Variants in PER2 observed in about 807,000 individuals in gnomAD.
PER2 encodes period circadian regulator 2, also known as period circadian protein homolog 2.
In PER2, 66 loss-of-function variants were observed where a neutral mutation model predicts 121.0. That is an observed-to-expected ratio of 0.55 (90% confidence interval 0.45 to 0.67). The LOEUF (loss-of-function observed/expected upper bound fraction) is 0.67, where lower values mean the gene tolerates loss of function less well. Ranked by LOEUF, PER2 falls within the 30% of genes least tolerant of loss-of-function variation. The pLI, the probability that PER2 is intolerant of heterozygous loss-of-function variation, is 0.00. For synonymous variants in PER2, 684 were observed against 659.9 expected (o/e 1.04, Z -0.56); for missense variants, 1,521 against 1,635.0 (o/e 0.93, Z 1.20).
At chr2:238,278,082 C>CTCTGTCTA in intron 1 of PER2, 127 bp from the exon 2 acceptor site, 1 of 993,012 alleles carries the variant, frequency 1.0e-6, no homozygotes, top group Non-Finnish European at 1.5e-6. Flanking sequence ...TCTTTCTTCT[C>CTCTGTCTA]TCTGTCTCTC....
In PER2 at chr2:238,277,953, A is replaced by G. The variant is rs1696509040; in HGVS notation, c.-17T>C. On this transcript the variant is annotated splice_region_variant and 5_prime_UTR_variant, in exon 2 of 23. Transcript: ENST00000254657. ...TCCATTCATGCTGGGCTCTGGAACGAAGCTGGCAAACAGAGGGATGCTGTC... is the reference window on the plus strand; with the variant it reads ...TCCATTCATGCTGGGCTCTGGAACGGAGCTGGCAAACAGAGGGATGCTGTC... 8 of 1,611,860 alleles carry G rather than the reference A, an allele frequency of 5.0e-6. No individual in the cohort carries two copies. The East Asian group carries it at 1.8e-4, about 36-fold the overall frequency.
Position 238,259,978 on chromosome 2 carries a change from A to AT in PER2, c.1617dup (p.Ser540IlefsTer8). The stretch of plus-strand genomic sequence containing the variant: ...ATATTTTTTTTTTTACCTGTAACGG[A>AT]TTTTTTCTTTTGTTCTCCAGATTCA... On this transcript the variant is annotated frameshift_variant, in exon 14 of 23. Coordinates refer to ENST00000254657, the MANE Select transcript of PER2 (RefSeq NM_022817.3). LOFTEE classifies it high-confidence loss of function. The AT allele has an allele frequency of 7.0e-7, 1 of 1,427,510 alleles. No individual in the cohort carries two copies. The highest frequency in any genetic ancestry group is 9.8e-7 in the Non-Finnish European group (1 of 1,017,184). 88.4% of individuals were successfully genotyped at this position (1,427,510 alleles called of 1,614,324 possible). A position where few individuals can be genotyped will look rare whatever the true frequency, so the allele number is the denominator to read the frequency against.
At position 238,258,567 on chromosome 2, in the gene PER2, C is replaced by T. The variant is rs369727558; in HGVS notation, c.1705G>A (p.Glu569Lys). ...GGCTGGTTCTTGCAGGCCAACTCCTCGGGGAAGCTGACCCCCAGGCTGTCC... is the reference window on the plus strand; with the variant it reads ...GGCTGGTTCTTGCAGGCCAACTCCTTGGGGAAGCTGACCCCCAGGCTGTCC... Reference protein sequence around the residue: ...EKDSLGVSFPEELACKNQPTC... With the variant: ...EKDSLGVSFPKELACKNQPTC... The change falls in exon 15 of 23, where the codon GAG becomes AAG. Residue 569 changes from glutamate (E) to lysine (K), a missense_variant. Transcript: ENST00000254657. 1.2e-5 allele frequency: 20 copies of T among 1,613,950 alleles called. No individual in the cohort carries two copies. Among genetic ancestry groups the T allele is most frequent in the Admixed American group, 3.3e-5 (2 of 59,996 alleles).
intron 1 of PER2, among the ~76,000 whole-genome samples, chr2:238,282,295 C>T (rs894997517): frequency 1.3e-5 from 2 of 152,124 alleles, no homozygotes; most frequent in East Asian, 1.9e-4. Flanking sequence ...TGAACAGCAC[C>T]GTCTCCCCAC....
chr2:238,296,053 C>T, the PER2 span, among the ~76,000 whole-genome samples: 46 of 140,518 alleles, frequency 3.3e-4, no homozygotes, highest in African/African-American at 1.1e-3. Flanking sequence ...CAGTCGTGTG[C>T]CCTCCTGCTG....
intron 5 of PER2, among the ~76,000 whole-genome samples, chr2:238,272,823 C>T (rs1262818827): frequency 2.0e-5 from 3 of 152,206 alleles, no homozygotes; most frequent in Admixed American, 1.3e-4. Flanking sequence ...TTTGCCCTTG[C>T]ACCCATGAGC....
Position 238,245,314 on chromosome 2 carries a change from G to C in PER2, c.*1061C>G, listed in dbSNP as rs1282541227. 1.4e-5 allele frequency: 5 copies of C among 355,184 alleles called. No homozygotes were observed. The highest frequency in any genetic ancestry group is 4.7e-5 in the Admixed American group (1 of 21,278). 22.0% of individuals were successfully genotyped at this position (355,184 alleles called of 1,614,324 possible). On this transcript the variant is annotated 3_prime_UTR_variant, in exon 23 of 23. Transcript: ENST00000254657. ...GAGGCCTGAAGCTGCTCCGAGAGAG[G>C]TCGGGCTCATGAAAAGAATGAGGGC...
Position 238,273,175 on chromosome 2 carries a change from G to A in PER2, c.465C>T (p.Tyr155=), listed in dbSNP as rs758852948. Residue 155 remains tyrosine (Y), a synonymous_variant, in exon 5 of 23, where the codon TAC becomes TAT. Coordinates refer to ENST00000254657, the MANE Select transcript of PER2 (RefSeq NM_022817.3). The part of the protein sequence containing the change: ...VKQVKANEEY[Y]QLLMSSEGHP... ...GACCCTCGCTGGACATCAGCAGCTG[G>A]TAATACTCTTCATTGGCTGCAGGAG... is the stretch of plus-strand genomic sequence containing the variant. The A allele has an allele frequency of 6.8e-6, 11 of 1,613,770 alleles. No homozygotes were observed. The highest frequency in any genetic ancestry group is 8.5e-6 in the Non-Finnish European group (10 of 1,179,918).
At chr2:238,271,613 G>A (rs541275858) in intron 5 of PER2, 100 bp from the exon 6 acceptor site, 7 of 874,912 alleles carry the variant, frequency 8.0e-6, no homozygotes, top group South Asian at 5.5e-5. Context: ...CACCAGGAGC[G>A]TTGGAGGTGG....
At chr2:238,296,963 G>A in the PER2 span, among the ~76,000 whole-genome samples, 2 of 152,222 alleles carry the variant, frequency 1.3e-5, no homozygotes, top group Non-Finnish European at 2.9e-5. Flanking sequence ...CCTCGCGGGG[G>A]ACATCTTCAG....
Position 238,273,121 on chromosome 2 carries a change from G to A in PER2, c.519C>T (p.Tyr173=), listed in dbSNP as rs1696342592. The A allele has an allele frequency of 1.2e-6, 2 of 1,611,134 alleles. No individual in the cohort carries two copies. The highest frequency in any genetic ancestry group is 1.1e-5 in the South Asian group (1 of 91,048). ...TAACGCTCTCCATCTCCTCCACGGT[G>A]TAGGAGGGCACGTCTGCTCCACAGG... ...GHPCGADVPS[Y]TVEEMESVTS... Residue 173 remains tyrosine (Y), a synonymous_variant, in exon 5 of 23, where the codon TAC becomes TAT. Transcript: ENST00000254657.
chr2:238,279,789 A>G (rs568036059), intron 1 of PER2, among the ~76,000 whole-genome samples: 1 of 152,330 alleles, frequency 6.6e-6, no homozygotes, highest in South Asian at 2.1e-4. Context: ...CAGCAGCCCT[A>G]GAAGTCCCGA....
intron 8 of PER2, 113 bp downstream of exon 8, chr2:238,267,943 G>C: frequency 1.6e-6 from 2 of 1,236,166 alleles, no homozygotes; most frequent in Non-Finnish European, 2.3e-6. Context: ...GAGAGGCCAA[G>C]GCTGGGGAAC....
Position 238,262,194 on chromosome 2 carries a change from C to A in PER2, c.1304G>T (p.Arg435Met). 1 of 1,613,752 alleles carries A rather than the reference C, an allele frequency of 6.2e-7. No individual in the cohort carries two copies. Among genetic ancestry groups the A allele is most frequent in the Admixed American group, 1.7e-5 (1 of 60,020 alleles). ...CTCGGGCCCTTGGAGCACTCACACCCTGACTTTGTGCCTCCCAATGATGAA... is the reference window on the plus strand; with the variant it reads ...CTCGGGCCCTTGGAGCACTCACACCATGACTTTGTGCCTCCCAATGATGAA... The part of the protein sequence containing the change: ...ISFIIGRHKV[R>M]VGPLNEDVFA... Residue 435 changes from arginine (R) to methionine (M), a missense_variant, in exon 11 of 23, where the codon AGG (arginine) becomes ATG (methionine). Arg to Met is a moderately conservative substitution (Grantham distance 91). Coordinates refer to ENST00000254657, the MANE Select transcript of PER2 (RefSeq NM_022817.3).
intron 11 of PER2, 89 bp from the exon 12 acceptor site, chr2:238,261,926 G>C (rs900620985): frequency 7.1e-5 from 67 of 937,800 alleles, no homozygotes; most frequent in Middle Eastern, 2.3e-4. Context: ...CTGCCTGCCT[G>C]GGTGGGCCCT....
intron 14 of PER2, 112 bp downstream of exon 14, chr2:238,259,857 G>T: frequency 1.5e-6 from 1 of 677,482 alleles, no homozygotes; most frequent in Non-Finnish European, 2.7e-6. Flanking sequence ...GTGTGACACG[G>T]CTACAAGGTA....
intron 1 of PER2, among the ~76,000 whole-genome samples, chr2:238,278,968 A>G (rs1011433758): frequency 1.3e-5 from 2 of 152,054 alleles, no homozygotes; most frequent in African/African-American, 4.8e-5. Flanking sequence ...TAACCTCTGC[A>G]CTTTGGGGTA....
chr2:238,246,005 TC>T lies in PER2; in HGVS notation c.*369del. The T allele has an allele frequency of 4.4e-6, 1 of 227,872 alleles. No individual in the cohort carries two copies. The highest frequency in any genetic ancestry group is 8.4e-6 in the Non-Finnish European group (1 of 118,976). 14.1% of individuals were successfully genotyped at this position (227,872 alleles called of 1,614,324 possible). A position where few individuals can be genotyped will look rare whatever the true frequency, so the allele number is the denominator to read the frequency against. On this transcript the variant is annotated 3_prime_UTR_variant, in exon 23 of 23. Coordinates refer to ENST00000254657, the MANE Select transcript of PER2 (RefSeq NM_022817.3). Reference sequence around the variant, plus strand: ...CCTGGGAAAGCTCTGGAAGCCAGAGTCCCCAGCTGGTGCAGCAGACAGAGGT... The same window carrying T: ...CCTGGGAAAGCTCTGGAAGCCAGAGTCCCAGCTGGTGCAGCAGACAGAGGT...
intron 16 of PER2, 140 bp from the exon 17 acceptor site, chr2:238,257,226 G>C (rs1695791185): frequency 1.5e-6 from 1 of 682,076 alleles, no homozygotes; most frequent in Non-Finnish European, 2.5e-6. Flanking sequence ...CAGATGCTCT[G>C]GCCCAGGCAT....
Sources: gnomAD v4.1 joint callset for allele counts (sites outside exome capture counted in the v4.1 genomes callset) on GRCh38, gnomAD v4.1.1 for gene constraint, MANE v1.5 for transcripts, NCBI Gene and HGNC (gene_info 2026-07-23, HGNC 2026-07-21) for gene names.